The following RANBP2 variants were observed in gnomAD, a reference collection of about 807,000 sequenced individuals.
RANBP2 encodes the protein RAN binding protein 2, also known as E3 SUMO-protein ligase RanBP2.
Under a neutral mutation model 303.6 loss-of-function variants are expected in RANBP2, and 57 were observed. The observed-to-expected ratio is 0.19, with a 90% CI of 0.15 to 0.23. The LOEUF (loss-of-function observed/expected upper bound fraction) is 0.23. Ranked by LOEUF, RANBP2 falls within the 10% of genes least tolerant of loss-of-function variation. RANBP2 has a pLI of 1.00. For missense variants in RANBP2, 3,138 were observed against 3,780.8 expected (o/e 0.83, Z 4.46); for synonymous variants, 1,167 against 1,301.5 (o/e 0.90, Z 2.23).
At chr2:109,172,822 G>A in the RANBP2 span, among the ~76,000 whole-genome samples, 3 of 152,220 alleles carry the variant, frequency 2.0e-5, no homozygotes, top group African/African-American at 7.2e-5. Flanking sequence ...CCAGCACGAA[G>A]CCTCGACTGG....
the RANBP2 span, among the ~76,000 whole-genome samples, chr2:109,216,786 A>G: frequency 1.3e-5 from 2 of 152,244 alleles, no homozygotes; most frequent in South Asian, 2.1e-4. Context: ...GTGGCAAAAT[A>G]TACATAACAT....
At chr2:108,787,023 C>CCCGGCA (rs1037267626), downstream of RANBP2, 17 of 592,956 alleles carry the variant, frequency 2.9e-5, no homozygotes, top group African/African-American at 2.8e-4. Flanking sequence ...TGGTCCCGGC[C>CCCGGCA]CCGGCACTCC....
At chr2:108,978,660 C>G in the RANBP2 span, among the ~76,000 whole-genome samples, 1 of 152,032 alleles carries the variant, frequency 6.6e-6, no homozygotes, top group East Asian at 1.9e-4. Flanking sequence ...TAGTTAGAAC[C>G]TGAGGTGCAG....
chr2:108,731,131 T>C (rs1695136448), intron 3 of RANBP2, among the ~76,000 whole-genome samples, 191 bp from the exon 4 acceptor site: 3 of 152,176 alleles, frequency 2.0e-5, no homozygotes, highest in Admixed American at 2.0e-4. Flanking sequence ...ATATAATTTT[T>C]ATTTGATTCA....
the RANBP2 span, among the ~76,000 whole-genome samples, chr2:109,414,939 G>A: frequency 3.9e-5 from 6 of 152,344 alleles, no homozygotes; most frequent in Admixed American, 1.3e-4. Context: ...TGTGGCAAAC[G>A]GGAAAAGACC....
chr2:108,984,762 G>A, the RANBP2 span, among the ~76,000 whole-genome samples: 359 of 152,132 alleles, frequency 2.4e-3, 4 homozygotes, highest in African/African-American at 8.0e-3. Context: ...CTCTGTGAGT[G>A]CAGGGATGTT....
At chr2:109,493,528 A>G in the RANBP2 span, among the ~76,000 whole-genome samples, 1 of 151,060 alleles carries the variant, frequency 6.6e-6, no homozygotes, top group Non-Finnish European at 1.5e-5. Flanking sequence ...ACCATTGCAT[A>G]CCCACACCCT....
chr2:109,532,822 G>A, the RANBP2 span, among the ~76,000 whole-genome samples: 3 of 152,148 alleles, frequency 2.0e-5, no homozygotes, highest in Non-Finnish European at 2.9e-5. Context: ...ATTCTGCCCC[G>A]TGACGCCTCC....
At chr2:109,513,311 CA>C in the RANBP2 span, among the ~76,000 whole-genome samples, 13 of 151,622 alleles carry the variant, frequency 8.6e-5, no homozygotes, top group East Asian at 2.5e-3. Flanking sequence ...CACATGCATG[CA>C]TATACTCCAC....
chr2:108,922,253 C>T, the RANBP2 span, among the ~76,000 whole-genome samples: 2 of 152,240 alleles, frequency 1.3e-5, no homozygotes, highest in African/African-American at 4.8e-5. Context: ...GTTCTTCAAC[C>T]CAGAATGATC....
the RANBP2 span, among the ~76,000 whole-genome samples, chr2:109,359,170 T>G: frequency 6.6e-6 from 1 of 152,230 alleles, no homozygotes; most frequent in Middle Eastern, 3.2e-3. Context: ...CAGACTGTCT[T>G]CATTATTGTA....
chr2:108,808,773 C>T, the RANBP2 span, among the ~76,000 whole-genome samples: 5 of 151,778 alleles, frequency 3.3e-5, no homozygotes, highest in East Asian at 9.6e-4. Flanking sequence ...GAATAGTTTG[C>T]ATATATTTTC....
chr2:109,129,345 A>T, the RANBP2 span: 1 of 1,776 alleles, frequency 5.6e-4, no homozygotes, highest in Admixed American at 0.012. Context: ...CCCGCCACGC[A>T]GGCCGGTCCC....
At chr2:108,778,424 C>T (rs575677026) in intron 25 of RANBP2, among the ~76,000 whole-genome samples, 1 of 152,294 alleles carries the variant, frequency 6.6e-6, no homozygotes, top group African/African-American at 2.4e-5. Flanking sequence ...CACAGGTTTT[C>T]ATAGGGAATC....
At chr2:108,737,214 G>A (rs1352493588) in intron 6 of RANBP2, among the ~76,000 whole-genome samples, 1 of 151,978 alleles carries the variant, frequency 6.6e-6, no homozygotes, top group South Asian at 2.1e-4. Flanking sequence ...TAGAAAACAT[G>A]TAGGATGTTT....
At chr2:109,146,532 G>A in the RANBP2 span, among the ~76,000 whole-genome samples, 1 of 152,034 alleles carries the variant, frequency 6.6e-6, no homozygotes, top group Non-Finnish European at 1.5e-5. Context: ...GCACTTTCTT[G>A]TTTCTGTTTA....
chr2:109,137,677 G>A, the RANBP2 span, among the ~76,000 whole-genome samples: 1 of 152,242 alleles, frequency 6.6e-6, no homozygotes, highest in African/African-American at 2.4e-5. Flanking sequence ...GAGAGAAAGA[G>A]GAAAGATGAG....
intron 4 of RANBP2, among the ~76,000 whole-genome samples, chr2:108,734,861 C>T (rs1695443411): frequency 6.6e-6 from 1 of 151,632 alleles, no homozygotes; most frequent in Admixed American, 6.6e-5. Context: ...AGTAGTCAGC[C>T]TGGGCAACAC....
chr2:109,264,073 C>G, the RANBP2 span, among the ~76,000 whole-genome samples: 1 of 152,230 alleles, frequency 6.6e-6, no homozygotes, highest in Non-Finnish European at 1.5e-5. Flanking sequence ...CAGCTCCTCC[C>G]TGTCTTTAAG....
Sources: allele counts gnomAD v4.1 joint callset (sites outside exome capture counted in the v4.1 genomes callset), GRCh38; gene constraint gnomAD v4.1.1; transcripts MANE v1.5; gene names NCBI Gene and HGNC (gene_info 2026-07-23, HGNC 2026-07-21).